CSMD2: variants seen among roughly 807,000 people sequenced by gnomAD.
The protein encoded by CSMD2 is CUB and sushi domain-containing protein 2.
CSMD2 carries 130 observed loss-of-function variants against 398.5 expected under a neutral mutation model. That is an observed-to-expected ratio of 0.33 (90% CI 0.28 to 0.38). The LOEUF (loss-of-function observed/expected upper bound fraction) is 0.38, where lower values mean the gene tolerates loss of function less well. CSMD2 is among the 10% of genes least tolerant of loss of function. The pLI, the probability that CSMD2 is intolerant of heterozygous loss-of-function variation, is 1.00. For synonymous variants in CSMD2, 1,828 were observed against 1,908.5 expected (o/e 0.96, Z 1.10); for missense variants, 3,829 against 4,764.9 (o/e 0.80, Z 5.78).
At chr1:34,015,671 G>A (rs1647986396) in intron 3 of CSMD2, among the ~76,000 whole-genome samples, 1 of 152,174 alleles carries the variant, frequency 6.6e-6, no homozygotes, top group Non-Finnish European at 1.5e-5. Context: ...TATTGTTCAT[G>A]GCATCTGAGA....
At chr1:33,989,932 A>G (rs1364010525) in intron 3 of CSMD2, among the ~76,000 whole-genome samples, 1 of 152,188 alleles carries the variant, frequency 6.6e-6, no homozygotes, top group Non-Finnish European at 1.5e-5. Flanking sequence ...AGATGGATGC[A>G]TGAACTTGTG....
intron 3 of CSMD2, among the ~76,000 whole-genome samples, chr1:33,985,134 T>G (rs1225896376): frequency 6.6e-6 from 1 of 152,126 alleles, no homozygotes; most frequent in Admixed American, 6.5e-5. Context: ...GCTTCAAGGC[T>G]TCACCAGCAG....
chr1:33,837,965 T>C (rs530492359), intron 6 of CSMD2, among the ~76,000 whole-genome samples: 12 of 152,290 alleles, frequency 7.9e-5, no homozygotes, highest in African/African-American at 2.4e-4. Flanking sequence ...GCAATACAAA[T>C]GTCTCTCTAG....
intron 44 of CSMD2, among the ~76,000 whole-genome samples, chr1:33,591,113 C>T (rs6673788): frequency 0.11 from 17,129 of 151,312 alleles, 1,377 homozygotes; most frequent in African/African-American, 0.23. Context: ...CTCACCCTCC[C>T]GAGTAGCTGG....
intron 5 of CSMD2, among the ~76,000 whole-genome samples, chr1:33,859,091 G>A (rs1201627097): frequency 2.6e-5 from 4 of 152,246 alleles, no homozygotes; most frequent in Non-Finnish European, 2.9e-5. Flanking sequence ...CCAGCAGCCA[G>A]AGGAGAAAGA....
chr1:33,535,330 C>T (rs950258369), intron 62 of CSMD2, among the ~76,000 whole-genome samples: 3 of 152,184 alleles, frequency 2.0e-5, no homozygotes, highest in African/African-American at 4.8e-5. Context: ...GTGTTAATTT[C>T]CTTGCCTTGT....
At position 34,164,037 on chromosome 1, in the gene CSMD2, G is replaced by A. The variant is rs1050813099; in HGVS notation, c.187+874C>T. ...CTAGATCTGCCCCTTCCCGGACTCG[G>A]TCGTCGGGAGCTGGTCCCGCCGCCC... is the stretch of plus-strand genomic sequence containing the variant. On this transcript the variant is annotated intron_variant, in intron 1 of 70. Coordinates refer to ENST00000373381, the MANE Select transcript of CSMD2 (RefSeq NM_001281956.2). The surrounding 1 kb of genome is among the most constrained non-coding windows in gnomAD (Gnocchi z 6.2). 7.9e-5 allele frequency among the ~76,000 whole-genome samples: 12 copies of A among 152,112 alleles called. No individual in the cohort carries two copies. Among genetic ancestry groups the A allele is most frequent in the Admixed American group, 2.0e-4 (3 of 15,282 alleles).
rs559623012 is a variant in CSMD2 at position 34,055,199 on chromosome 1, C to T, written c.405-22493G>A. Among the ~76,000 whole-genome samples, 10 of 152,306 alleles carry T rather than the reference C, an allele frequency of 6.6e-5. No homozygotes were observed. In the South Asian group the frequency reaches 1.9e-3, roughly 28 times the overall value. On this transcript the variant is annotated intron_variant, in intron 2 of 70. Transcript: ENST00000373381. ...AGCCAGTCTACTCCCAACTTTTCAG[C>T]TGTAGAAAAACAAACTGTTTTTCCT...
intron 3 of CSMD2, among the ~76,000 whole-genome samples, chr1:33,991,333 C>A (rs1302085696): frequency 6.6e-6 from 1 of 152,176 alleles, no homozygotes; most frequent in Non-Finnish European, 1.5e-5. Flanking sequence ...ATTGGAACAT[C>A]TGGCAACCTG....
chr1:33,542,948 T>C, intron 57 of CSMD2, 52 bp from the exon 58 acceptor site: 1 of 1,535,432 alleles, frequency 6.5e-7, no homozygotes, highest in African/African-American at 1.4e-5. Context: ...GGGTATCACC[T>C]AGGGGACTGA....
chr1:34,033,743 T>A (rs1478302661), intron 2 of CSMD2, among the ~76,000 whole-genome samples: 9 of 152,200 alleles, frequency 5.9e-5, no homozygotes, highest in Non-Finnish European at 1.0e-4. Context: ...TTCTCCTGGG[T>A]GCCGCTGTAT....
At chr1:33,917,343 C>T (rs2125280932) in intron 5 of CSMD2, among the ~76,000 whole-genome samples, 1 of 152,340 alleles carries the variant, frequency 6.6e-6, no homozygotes, top group East Asian at 1.9e-4. Context: ...CCTGATAACA[C>T]AGCCACAATG....
intron 3 of CSMD2, among the ~76,000 whole-genome samples, chr1:33,951,061 T>G (rs1241585212): frequency 1.3e-5 from 2 of 152,226 alleles, no homozygotes; most frequent in Non-Finnish European, 2.9e-5. Context: ...TGGTCCTCTA[T>G]CTGACAATCT....
intron 48 of CSMD2, 75 bp from the exon 49 acceptor site, chr1:33,577,559 CCCTTT>C: frequency 8.0e-7 from 1 of 1,244,396 alleles, no homozygotes; most frequent in Non-Finnish European, 1.1e-6. Flanking sequence ...AGGCCCCTTT[CCCTTT>C]CGTCTCCCCC....
chr1:33,546,363 T>C, intron 56 of CSMD2, 144 bp from the exon 57 acceptor site: 1 of 736,906 alleles, frequency 1.4e-6, no homozygotes, highest in Non-Finnish European at 2.2e-6. Context: ...CTGCACATGC[T>C]CCTGCCTCCA....
At chr1:33,864,461 C>A in intron 5 of CSMD2, 1 of 1,613,738 alleles carries the variant, frequency 6.2e-7, no homozygotes, top group Non-Finnish European at 8.5e-7. Flanking sequence ...AGCGGGATCC[C>A]CAGGAACCCA....
At chr1:33,546,361 G>T in intron 56 of CSMD2, 142 bp from the exon 57 acceptor site, 2 of 747,966 alleles carry the variant, frequency 2.7e-6, no homozygotes, top group East Asian at 2.8e-5. Context: ...ACCTGCACAT[G>T]CTCCTGCCTC....
intron 3 of CSMD2, among the ~76,000 whole-genome samples, chr1:33,950,380 C>G: frequency 9.1e-6 from 1 of 109,434 alleles, no homozygotes. Context: ...ATTTCTCCTC[C>G]AGCAGAGAGA....
intron 22 of CSMD2, among the ~76,000 whole-genome samples, chr1:33,708,194 C>G (rs1645866995): frequency 6.6e-6 from 1 of 152,208 alleles, no homozygotes; most frequent in Non-Finnish European, 1.5e-5. Context: ...CTATGACCTT[C>G]TCTGTAATCC....
Sources: allele counts gnomAD v4.1 joint callset (sites outside exome capture counted in the v4.1 genomes callset), GRCh38; gene constraint gnomAD v4.1.1; non-coding constraint Gnocchi (gnomAD v3.1); transcripts MANE v1.5; gene names NCBI Gene and HGNC (gene_info 2026-07-23, HGNC 2026-07-21).